The following NUB1 variants were observed in gnomAD, a reference collection of about 807,000 sequenced individuals.
NUB1 encodes the protein NEDD8 ultimate buster 1.
Under a neutral mutation model 77.1 loss-of-function variants are expected in NUB1, and 41 were observed. The ratio of observed to expected loss-of-function variants is 0.53; its 90% CI spans 0.41 to 0.69. The LOEUF is 0.69. NUB1 is among the 30% of genes least tolerant of loss of function. The pLI is 0.00. For missense variants in NUB1, 643 were observed against 743.8 expected, an observed-to-expected ratio of 0.86 and a Z score of 1.58; for synonymous variants, 257 against 281.0, an observed-to-expected ratio of 0.91 and a Z score of 0.85.
intron 4 of NUB1, chr7:151,352,099 C>CA: frequency 2.2e-6 from 1 of 456,650 alleles, no homozygotes; most frequent in South Asian, 1.5e-5. Context: ...TCAGGGCTGT[C>CA]AGGGGTGGAT....
At chr7:151,351,380 T>C in intron 3 of NUB1, 44 bp from the exon 4 acceptor site, 1 of 1,422,484 alleles carries the variant, frequency 7.0e-7, no homozygotes, top group Non-Finnish European at 9.8e-7. Flanking sequence ...CTCTCCAAAA[T>C]GGGTTAAATT....
In NUB1 at chr7:151,368,874, C is replaced by T. The variant is rs754194881; in HGVS notation, c.1235C>T (p.Thr412Ile). The T allele has an allele frequency of 6.2e-7, 1 of 1,613,138 alleles. No individual in the cohort carries two copies. Among genetic ancestry groups the T allele is most frequent in the Non-Finnish European group, 8.5e-7 (1 of 1,179,560 alleles). Reference sequence around the variant, plus strand: ...GTGGATCATGCGGCCACTCATATTACCAACCGCAGAGAGGTACCCACTTTC... The same window carrying T: ...GTGGATCATGCGGCCACTCATATTATCAACCGCAGAGAGGTACCCACTTTC... ...GNVDHAATHI[T>I]NRREELAQIR... The change falls in exon 11 of 15, where the codon ACC becomes ATC. Residue 412 changes from threonine to isoleucine, a missense_variant. Physicochemically the swap from Thr to Ile is moderately conservative, Grantham distance 89. Coordinates refer to ENST00000568733, the MANE Select transcript of NUB1 (RefSeq NM_001243351.2).
chr7:151,366,527 GA>G (rs1797692211), intron 8 of NUB1, among the ~76,000 whole-genome samples: 1 of 151,826 alleles, frequency 6.6e-6, no homozygotes, highest in Non-Finnish European at 1.5e-5. Context: ...CTTAAAGAAA[GA>G]AAGAAAGAAA....
intron 8 of NUB1, 40 bp downstream of exon 8, chr7:151,360,287 A>G (rs1387619497): frequency 9.1e-7 from 1 of 1,093,038 alleles, no homozygotes; most frequent in African/African-American, 1.5e-5. Context: ...GCTTTAAGGA[A>G]GATGGCCCAG....
rs1328480578 is a variant in NUB1 at position 151,368,992 on chromosome 7, G to A, written c.1248+105G>A. 3 of 1,221,666 alleles carry A rather than the reference G, an allele frequency of 2.5e-6. No homozygotes were observed. In the East Asian group the frequency reaches 8.5e-5, roughly 34 times the overall value. The allele number at this position is 1,221,666 out of a possible 1,614,324, so 75.7% of individuals were successfully genotyped here. A position where few individuals can be genotyped will look rare whatever the true frequency, so the allele number is the denominator to read the frequency against. On this transcript the variant is annotated intron_variant, in intron 11 of 14. Coordinates refer to ENST00000568733, the MANE Select transcript of NUB1 (RefSeq NM_001243351.2). ...GGAACTCTTTATTACTCCAGATTGG[G>A]AAGGAAGGAGAAACTTGTCCTTTTT...
intron 14 of NUB1, 118 bp downstream of exon 14, chr7:151,376,929 G>C (rs2240629): frequency 0.5 from 701,293 of 1,416,258 alleles, 181,584 homozygotes; most frequent in Non-Finnish European, 0.54. Context: ...ACGTCACCGG[G>C]CCGGCCACCT....
chr7:151,367,130 G>C lies in NUB1; in HGVS notation c.987+5G>C, dbSNP rs1797727575. On this transcript the variant is annotated splice_donor_5th_base_variant and intron_variant, in intron 9 of 14. Transcript: ENST00000568733. ...CAGAGACTGGTCCACATAAAAGTAT[G>C]TTCCTGGAATTCATCTTATGTCTCG... The C allele has an allele frequency of 6.2e-7, 1 of 1,607,442 alleles. No homozygotes were observed. The highest frequency in any genetic ancestry group is 1.3e-5 in the African/African-American group (1 of 74,630).
chr7:151,349,057 T>A lies in NUB1; in HGVS notation c.118-16T>A, dbSNP rs1378419655. The A allele has an allele frequency of 1.3e-6, 2 of 1,594,262 alleles. No homozygotes were observed. Among genetic ancestry groups the A allele is most frequent in the African/African-American group, 2.7e-5 (2 of 73,194 alleles). On this transcript the variant is annotated splice_polypyrimidine_tract_variant and intron_variant, in intron 2 of 14. Coordinates refer to ENST00000568733, the MANE Select transcript of NUB1 (RefSeq NM_001243351.2). ...TTTTTTAAGTCAGTATTGCATTTTC[T>A]GATTTTTCTTGATAGGACCTTGCTA...
chr7:151,365,704 C>G (rs1797640633), intron 8 of NUB1, among the ~76,000 whole-genome samples: 1 of 152,196 alleles, frequency 6.6e-6, no homozygotes, highest in South Asian at 2.1e-4. Flanking sequence ...TCTGCGTGCA[C>G]ACGTGTGTAA....
rs531602897 is a variant in NUB1 at position 151,353,451 on chromosome 7, T to C, written c.415+569T>C. Among the ~76,000 whole-genome samples, 11 of 152,302 alleles carry C rather than the reference T, an allele frequency of 7.2e-5. No individual in the cohort carries two copies. In the East Asian group the frequency reaches 1.9e-3, roughly 27 times the overall value. ...TTGGTGACGGGGGAGGTTGTGCTGC[T>C]GTCATTTAGTGGGTGGAGGCTAGGG... On this transcript the variant is annotated intron_variant, in intron 5 of 14. Transcript: ENST00000568733.
intron 1 of NUB1, among the ~76,000 whole-genome samples, chr7:151,344,980 A>G (rs1311055819): frequency 2.6e-5 from 4 of 152,204 alleles, no homozygotes; most frequent in African/African-American, 7.2e-5. Flanking sequence ...AGCCTGGGCG[A>G]CAGAGCGAGA....
At chr7:151,376,446 G>A in intron 13 of NUB1, 188 bp from the exon 14 acceptor site, 2 of 597,206 alleles carry the variant, frequency 3.3e-6, no homozygotes, top group Non-Finnish European at 2.8e-6. Flanking sequence ...CCCGACTTGA[G>A]TCTTCCAAGC....
chr7:151,348,835 A>G (rs1256363130), intron 2 of NUB1, among the ~76,000 whole-genome samples: 3 of 151,938 alleles, frequency 2.0e-5, no homozygotes, highest in African/African-American at 2.4e-5. Flanking sequence ...TCGGCCTCCC[A>G]AAGTGCTGGG....
intron 8 of NUB1, among the ~76,000 whole-genome samples, chr7:151,365,409 G>C (rs1347871062): frequency 6.6e-6 from 1 of 151,752 alleles, no homozygotes; most frequent in African/African-American, 2.4e-5. Flanking sequence ...ACTGACATGA[G>C]GCCATTTCTG....
chr7:151,343,047 G>GT (rs1477332271), intron 1 of NUB1, among the ~76,000 whole-genome samples: 1 of 152,174 alleles, frequency 6.6e-6, no homozygotes, highest in East Asian at 1.9e-4. Flanking sequence ...TGAAATTACT[G>GT]TCCCCCAGTG....
At chr7:151,359,075 T>A (rs954191855) in intron 7 of NUB1, among the ~76,000 whole-genome samples, 82 of 136,860 alleles carry the variant, frequency 6.0e-4, no homozygotes, top group Non-Finnish European at 1.0e-3. Context: ...AAAAAAAAAA[T>A]AAAATAAAAA....
intron 7 of NUB1, among the ~76,000 whole-genome samples, chr7:151,357,097 G>A (rs1025529015): frequency 2.6e-5 from 4 of 152,038 alleles, no homozygotes; most frequent in African/African-American, 9.7e-5. Flanking sequence ...GCTCACTGCA[G>A]CCTTAACCTC....
chr7:151,342,864 G>A (rs535170861), intron 1 of NUB1, among the ~76,000 whole-genome samples: 84 of 152,018 alleles, frequency 5.5e-4, no homozygotes, highest in African/African-American at 1.9e-3. Context: ...TAGTAGAGAC[G>A]GGGTTTCACC....
intron 7 of NUB1, among the ~76,000 whole-genome samples, chr7:151,359,514 C>T (rs763975105): frequency 6.6e-5 from 10 of 151,824 alleles, no homozygotes; most frequent in Non-Finnish European, 1.3e-4. Context: ...CACCGTGGCT[C>T]ACGCCTGTAA....
Sources: allele counts gnomAD v4.1 joint callset (sites outside exome capture counted in the v4.1 genomes callset), GRCh38; gene constraint gnomAD v4.1.1; transcripts MANE v1.5; gene names NCBI Gene and HGNC (gene_info 2026-07-23, HGNC 2026-07-21).